The following XPO4 variants were observed in gnomAD, a reference collection of about 807,000 sequenced individuals.
The protein encoded by XPO4 is exportin-4.
A neutral mutation model predicts 143.0 loss-of-function variants in XPO4; 39 were observed. The ratio of observed to expected loss-of-function variants is 0.27; its 90% CI spans 0.21 to 0.36. The LOEUF is 0.36. Ranked by LOEUF, XPO4 falls within the 10% of genes least tolerant of loss-of-function variation. The pLI is 1.00. For synonymous variants in XPO4, 439 were observed against 474.0 expected (o/e 0.93, Z 0.96); for missense variants, 907 against 1,348.0 (o/e 0.67, Z 5.12).
At chr13:20,796,702 ATTATT>A (rs1362871886) in intron 17 of XPO4, 57 bp downstream of exon 17, 4 of 1,261,086 alleles carry the variant, frequency 3.2e-6, no homozygotes, top group East Asian at 5.4e-5. Flanking sequence ...GCAAAGATCT[ATTATT>A]TTATTACAGC....
intron 4 of XPO4, chr13:20,848,818 C>T (rs936587395): frequency 1.0e-6 from 1 of 985,018 alleles, no homozygotes; most frequent in Admixed American, 6.2e-5. Context: ...TTCTACAAGA[C>T]AATTTTAATA....
At position 20,799,258 on chromosome 13, in the gene XPO4, C is replaced by G; in HGVS notation, c.2229G>C (p.Leu743Phe). The change falls in exon 16 of 23, where the codon TTG (leucine) becomes TTC (phenylalanine). Residue 743 changes from leucine to phenylalanine, a missense_variant. Physicochemically the swap from Leu to Phe is conservative, Grantham distance 22. Coordinates refer to ENST00000255305, the MANE Select transcript of XPO4 (RefSeq NM_022459.5). ...TCAATGTCCTCTGCACAGGACTTGA[C>G]AAGAAATTAAGAGGTGGGCTTCGGC... is the stretch of plus-strand genomic sequence containing the variant. ...FASRSPPLNF[L>F]SSPVQRTLMK... 6.2e-7 allele frequency: 1 copy of G among 1,614,020 alleles called. No homozygotes were observed.
At chr13:20,794,683 A>G (rs7997062) in intron 18 of XPO4, among the ~76,000 whole-genome samples, 36,809 of 152,102 alleles carry the variant, frequency 0.24, 6,056 homozygotes, top group East Asian at 0.8. Flanking sequence ...CAGAGCTGTG[A>G]CCATGCGACT....
chr13:20,899,241 T>C (rs1415308793), intron 1 of XPO4, among the ~76,000 whole-genome samples: 1 of 151,736 alleles, frequency 6.6e-6, no homozygotes, highest in East Asian at 1.9e-4. Flanking sequence ...TAATCTAAAT[T>C]GATTGAATAT....
intron 15 of XPO4, among the ~76,000 whole-genome samples, chr13:20,799,704 G>A (rs1798419731): frequency 6.6e-6 from 1 of 151,910 alleles, no homozygotes; most frequent in African/African-American, 2.4e-5. Context: ...CAATGACAAT[G>A]GTAATAATAA....
chr13:20,823,575 TTC>T (rs1246523592), intron 7 of XPO4, among the ~76,000 whole-genome samples: 2 of 151,142 alleles, frequency 1.3e-5, no homozygotes, highest in Non-Finnish European at 2.9e-5. Context: ...TTGTGTTTTT[TTC>T]TTTTTTCCAT....
chr13:20,842,821 G>T, intron 6 of XPO4, 74 bp downstream of exon 6: 1 of 1,358,916 alleles, frequency 7.4e-7, no homozygotes. Context: ...CTGCAGAGGT[G>T]AAAGACTCCG....
At chr13:20,855,560 T>C in intron 4 of XPO4, 67 bp downstream of exon 4, 1 of 1,361,546 alleles carries the variant, frequency 7.3e-7, no homozygotes, top group East Asian at 2.7e-5. Flanking sequence ...TTACTCTTGC[T>C]ATAATGCTAT....
At chr13:20,835,284 A>G (rs1182196425) in intron 6 of XPO4, among the ~76,000 whole-genome samples, 10 of 152,208 alleles carry the variant, frequency 6.6e-5, no homozygotes, top group African/African-American at 1.7e-4. Context: ...GGCTTTACAT[A>G]TATGTGCTTT....
chr13:20,820,898 T>C (rs2059711712), intron 9 of XPO4, among the ~76,000 whole-genome samples: 1 of 152,186 alleles, frequency 6.6e-6, no homozygotes, highest in Non-Finnish European at 1.5e-5. Context: ...TACATTCTTT[T>C]TCCTCTTACA....
At chr13:20,846,203 A>C (rs933303223) in intron 4 of XPO4, among the ~76,000 whole-genome samples, 2 of 152,232 alleles carry the variant, frequency 1.3e-5, no homozygotes, top group African/African-American at 4.8e-5. Flanking sequence ...GGCTTATTTT[A>C]AAACTATCAC....
At chr13:20,834,679 C>T (rs1570672) in intron 6 of XPO4, among the ~76,000 whole-genome samples, 43,892 of 151,690 alleles carry the variant, frequency 0.29, 8,022 homozygotes, top group East Asian at 0.8. Context: ...TAAATCCAGG[C>T]CAAGCCCAGT....
intron 13 of XPO4, 73 bp from the exon 14 acceptor site, chr13:20,801,063 A>G (rs1373540581): frequency 2.7e-5 from 42 of 1,557,642 alleles, no homozygotes; most frequent in East Asian, 4.5e-5. Context: ...TTTTTCCTTA[A>G]AAGTCCTTTT....
chr13:20,816,047 G>A (rs1339504839), intron 9 of XPO4, among the ~76,000 whole-genome samples: 5 of 152,222 alleles, frequency 3.3e-5, no homozygotes, highest in Non-Finnish European at 7.4e-5. Flanking sequence ...ATACATAATC[G>A]TTCATTTCAT....
intron 1 of XPO4, among the ~76,000 whole-genome samples, chr13:20,890,579 G>A (rs369813012): frequency 6.6e-6 from 1 of 152,030 alleles, no homozygotes; most frequent in Admixed American, 6.6e-5. Context: ...CAGGCAGATC[G>A]CTTGAGCTCA....
At chr13:20,902,280 TC>T in intron 1 of XPO4, 3 of 984,968 alleles carry the variant, frequency 3.0e-6, no homozygotes, top group Non-Finnish European at 3.6e-6. Context: ...CGACACCAAC[TC>T]CCCAAGAGCG....
At chr13:20,892,351 G>C (rs1431345111) in intron 1 of XPO4, among the ~76,000 whole-genome samples, 1 of 152,104 alleles carries the variant, frequency 6.6e-6, no homozygotes, top group Admixed American at 6.5e-5. Context: ...GCCTCCCAAA[G>C]TGCTGGGATT....
intron 6 of XPO4, among the ~76,000 whole-genome samples, chr13:20,831,710 A>G (rs1217950552): frequency 6.6e-6 from 1 of 151,654 alleles, no homozygotes; most frequent in Non-Finnish European, 1.5e-5. Flanking sequence ...CTAACCCTTT[A>G]TCTTAAAAAA....
At position 20,778,269 on chromosome 13, in the gene XPO4, TAAAC is replaced by T. The variant is rs546899505; in HGVS notation, c.*5449_*5452del. The T allele has an allele frequency of 5.9e-5, 9 of 152,358 alleles. No homozygotes were observed. Among genetic ancestry groups the T allele is most frequent in the Non-Finnish European group, 8.8e-5 (6 of 68,024 alleles). 9.4% of individuals were successfully genotyped at this position (152,358 alleles called of 1,614,324 possible). A position where few individuals can be genotyped will look rare whatever the true frequency, so the allele number is the denominator to read the frequency against. On this transcript the variant is annotated 3_prime_UTR_variant, in exon 23 of 23. Coordinates refer to ENST00000255305, the MANE Select transcript of XPO4 (RefSeq NM_022459.5). Reference sequence around the variant, plus strand: ...CAAAATACACTCTAATTGGTTTTCTTAAACAACTTTTCTTTATCCACCTTTGGAG... The same window carrying T: ...CAAAATACACTCTAATTGGTTTTCTTAACTTTTCTTTATCCACCTTTGGAG...
Sources: allele counts gnomAD v4.1 joint callset (sites outside exome capture counted in the v4.1 genomes callset), GRCh38; gene constraint gnomAD v4.1.1; transcripts MANE v1.5; gene names NCBI Gene and HGNC (gene_info 2026-07-23, HGNC 2026-07-21).